The following INPP5A variants were observed in gnomAD, a reference collection of about 807,000 sequenced individuals.
The protein encoded by INPP5A is inositol polyphosphate-5-phosphatase A.
INPP5A carries 14 observed loss-of-function variants against 65.2 expected under a neutral mutation model. That is an observed-to-expected ratio of 0.21 (90% confidence interval 0.14 to 0.34). The LOEUF (loss-of-function observed/expected upper bound fraction) is 0.34, where lower values mean the gene tolerates loss of function less well. Among genes scored for constraint, INPP5A ranks in the 10% least tolerant of loss-of-function variants. INPP5A has a pLI of 1.00. For missense variants in INPP5A, 431 were observed against 545.6 expected, an observed-to-expected ratio of 0.79 and a Z score of 2.09; for synonymous variants, 207 against 208.3, an observed-to-expected ratio of 0.99 and a Z score of 0.05.
At chr10:132,689,137 G>A (rs1428238354) in intron 4 of INPP5A, among the ~76,000 whole-genome samples, 2 of 152,210 alleles carry the variant, frequency 1.3e-5, no homozygotes, top group African/African-American at 4.8e-5. Context: ...CCCTTGTGTT[G>A]CCCACAGGCT....
rs1845527065 is a variant in INPP5A, at chr10:132,705,661, T to C, written c.475-2652T>C. 6.6e-6 allele frequency among the ~76,000 whole-genome samples: 1 copy of C among 152,224 alleles called. No homozygotes were observed. Among genetic ancestry groups the C allele is most frequent in the South Asian group, 2.1e-4 (1 of 4,834 alleles). On this transcript the variant is annotated intron_variant, in intron 6 of 15. Coordinates refer to ENST00000368594, the MANE Select transcript of INPP5A (RefSeq NM_005539.5). The surrounding 1 kb of genome is among the most constrained non-coding windows in gnomAD (Gnocchi z 4.9). ...AAAGCCTATTACTTCTTTAAAAGTC[T>C]GCTTACCTGGGGCCCGGGACTTTAC...
At chr10:132,720,367 A>G (rs1318178509) in intron 8 of INPP5A, among the ~76,000 whole-genome samples, 11 of 126,312 alleles carry the variant, frequency 8.7e-5, no homozygotes, top group Admixed American at 1.6e-4. Context: ...GTTCTGTGGT[A>G]CCTGGGTTCT....
intron 12 of INPP5A, among the ~76,000 whole-genome samples, chr10:132,773,225 C>G (rs746876273): frequency 4.6e-5 from 7 of 152,174 alleles, no homozygotes; most frequent in Non-Finnish European, 7.3e-5. Flanking sequence ...CTATTGCTAC[C>G]CGTCAAAACG....
chr10:132,688,599 G>A (rs554831432), intron 4 of INPP5A, among the ~76,000 whole-genome samples: 4 of 151,946 alleles, frequency 2.6e-5, no homozygotes, highest in Non-Finnish European at 5.9e-5. Flanking sequence ...GCATGAGTGC[G>A]TGTGTGCAAG....
At chr10:132,750,622 A>T (rs961007064) in intron 11 of INPP5A, among the ~76,000 whole-genome samples, 1 of 152,236 alleles carries the variant, frequency 6.6e-6, no homozygotes, top group Non-Finnish European at 1.5e-5. Context: ...AGCGCAAAGA[A>T]CCAGGAATCA....
intron 8 of INPP5A, among the ~76,000 whole-genome samples, chr10:132,718,446 T>C (rs373260551): frequency 6.6e-6 from 1 of 150,444 alleles, no homozygotes; most frequent in African/African-American, 2.4e-5. Context: ...TCTGGGCGCC[T>C]TAGACGGCTG....
chr10:132,682,103 A>C (rs1446118917), intron 4 of INPP5A, among the ~76,000 whole-genome samples: 3 of 152,174 alleles, frequency 2.0e-5, no homozygotes, highest in Admixed American at 6.5e-5. Flanking sequence ...GAACAGTTTC[A>C]GCTGGGAAGG....
chr10:132,595,132 C>T (rs1057296835), intron 1 of INPP5A, among the ~76,000 whole-genome samples: 3 of 152,300 alleles, frequency 2.0e-5, no homozygotes, highest in Non-Finnish European at 4.4e-5. Context: ...GCTGACAGCG[C>T]TCGGCATGAG....
chr10:132,722,101 C>T (rs1249429785), intron 8 of INPP5A, among the ~76,000 whole-genome samples: 2 of 152,056 alleles, frequency 1.3e-5, no homozygotes, highest in Non-Finnish European at 2.9e-5. Context: ...AAAATATTCT[C>T]AGTAGTTTTA....
intron 12 of INPP5A, among the ~76,000 whole-genome samples, chr10:132,772,882 A>C (rs373207780): frequency 7.6e-6 from 1 of 131,542 alleles, no homozygotes; most frequent in African/African-American, 2.8e-5. Flanking sequence ...CACGGAGGCC[A>C]CGGCAGCCGC....
chr10:132,719,996 G>C (rs1327873646), intron 8 of INPP5A, among the ~76,000 whole-genome samples: 1 of 150,570 alleles, frequency 6.6e-6, no homozygotes, highest in African/African-American at 2.5e-5. Context: ...GCTGTCTTCA[G>C]GGTTCTGTGG....
At chr10:132,597,966 T>C (rs1227530233) in intron 1 of INPP5A, among the ~76,000 whole-genome samples, 2 of 152,184 alleles carry the variant, frequency 1.3e-5, no homozygotes, top group Admixed American at 6.5e-5. Context: ...GGGCCTGTGG[T>C]GCGTGTTCCC....
intron 1 of INPP5A, among the ~76,000 whole-genome samples, chr10:132,604,717 G>A (rs1029782825): frequency 6.6e-6 from 1 of 152,238 alleles, no homozygotes; most frequent in Non-Finnish European, 1.5e-5. Context: ...TGCTCAGGAT[G>A]GAAAAACGCT....
chr10:132,765,136 C>G (rs1357472841), intron 11 of INPP5A, among the ~76,000 whole-genome samples: 1 of 151,980 alleles, frequency 6.6e-6, no homozygotes, highest in African/African-American at 2.4e-5. Flanking sequence ...CGGGCCAGTC[C>G]TGCAGGGGTG....
intron 9 of INPP5A, among the ~76,000 whole-genome samples, chr10:132,742,058 G>T (rs1292870814): frequency 6.6e-6 from 1 of 152,196 alleles, no homozygotes; most frequent in Non-Finnish European, 1.5e-5. Flanking sequence ...AATCAGCACC[G>T]GGTCCTACAG....
At chr10:132,619,082 CA>C (rs2072078959) in intron 2 of INPP5A, among the ~76,000 whole-genome samples, 1 of 152,328 alleles carries the variant, frequency 6.6e-6, no homozygotes, top group South Asian at 2.1e-4. Flanking sequence ...ATAGTCCCCC[CA>C]AAGTCTTGAC....
rs1194813746 is a variant in INPP5A at position 132,707,066 on chromosome 10, TTAGA to T, written c.475-1242_475-1239del. Among the ~76,000 whole-genome samples the T allele has an allele frequency of 2.6e-5, 4 of 152,184 alleles. No individual in the cohort carries two copies. Among genetic ancestry groups the T allele is most frequent in the Non-Finnish European group, 4.4e-5 (3 of 68,014 alleles). On this transcript the variant is annotated intron_variant, in intron 6 of 15. Coordinates refer to ENST00000368594, the MANE Select transcript of INPP5A (RefSeq NM_005539.5). The surrounding 1 kb of genome is among the most constrained non-coding windows in gnomAD (Gnocchi z 5.5). ...GCCTCTGATCACTGCGCTCTCCGTG[TTAGA>T]TAGAGGGAGCACGCCACGCTGGACC... is the stretch of plus-strand genomic sequence containing the variant.
At chr10:132,737,029 G>C (rs765058473) in intron 9 of INPP5A, among the ~76,000 whole-genome samples, 9 of 152,254 alleles carry the variant, frequency 5.9e-5, no homozygotes, top group Non-Finnish European at 1.3e-4. Context: ...TGACAGACAG[G>C]GATGACTGTG....
chr10:132,556,765 T>C (rs1258844603), intron 1 of INPP5A, among the ~76,000 whole-genome samples: 1 of 149,752 alleles, frequency 6.7e-6, no homozygotes, highest in Non-Finnish European at 1.5e-5. Context: ...ACTTGTATTA[T>C]CATTTTGGGG....
Sources: allele counts gnomAD v4.1 joint callset (sites outside exome capture counted in the v4.1 genomes callset), GRCh38; gene constraint gnomAD v4.1.1; non-coding constraint Gnocchi (gnomAD v3.1); transcripts MANE v1.5; gene names NCBI Gene and HGNC (gene_info 2026-07-23, HGNC 2026-07-21).